The following MACROD2 variants were observed in gnomAD, a reference collection of about 807,000 sequenced individuals.
MACROD2 encodes mono-ADP ribosylhydrolase 2.
Under a neutral mutation model 70.4 loss-of-function variants are expected in MACROD2, and 36 were observed. The observed-to-expected ratio is 0.51, with a 90% confidence interval of 0.39 to 0.68. MACROD2 has a LOEUF of 0.68. MACROD2 is among the 30% of genes least tolerant of loss of function. MACROD2 has a pLI of 0.00. For missense variants in MACROD2, 496 were observed against 538.4 expected (o/e 0.92, Z 0.78); for synonymous variants, 172 against 178.8 (o/e 0.96, Z 0.30).
chr20:14,866,730 A>G (rs186198978), intron 5 of MACROD2, among the ~76,000 whole-genome samples: 3 of 152,212 alleles, frequency 2.0e-5, no homozygotes, highest in African/African-American at 7.2e-5. Context: ...TTGCTTTTCA[A>G]TGATATACAC....
At chr20:15,601,297 G>A (rs2048816656) in intron 8 of MACROD2, among the ~76,000 whole-genome samples, 1 of 152,104 alleles carries the variant, frequency 6.6e-6, no homozygotes, top group Admixed American at 6.6e-5. Flanking sequence ...GATGTTTCTT[G>A]TAAAGCCTGC....
At chr20:15,515,000 G>T (rs2047548080) in intron 8 of MACROD2, among the ~76,000 whole-genome samples, 1 of 152,168 alleles carries the variant, frequency 6.6e-6, no homozygotes, top group African/African-American at 2.4e-5. Context: ...CACCCTCCAT[G>T]CTGCAGCTCA....
chr20:15,215,159 T>C (rs2076798550), intron 5 of MACROD2, among the ~76,000 whole-genome samples: 1 of 152,062 alleles, frequency 6.6e-6, no homozygotes, highest in African/African-American at 2.4e-5. Context: ...CTTAAAACAA[T>C]GCTGTCATCA....
intron 3 of MACROD2, among the ~76,000 whole-genome samples, chr20:14,396,651 C>T (rs575974098): frequency 4.6e-5 from 7 of 152,112 alleles, no homozygotes; most frequent in East Asian, 3.9e-4. Flanking sequence ...CTGGGCTGAG[C>T]GCAGTGGCTC....
chr20:15,140,414 G>T (rs1041772505), intron 5 of MACROD2, among the ~76,000 whole-genome samples: 11 of 152,186 alleles, frequency 7.2e-5, no homozygotes, highest in Middle Eastern at 3.4e-3. Flanking sequence ...TCTCCAAAGG[G>T]TGTATGTAAT....
chr20:15,836,193 T>C (rs2064112723), intron 8 of MACROD2, among the ~76,000 whole-genome samples: 1 of 152,228 alleles, frequency 6.6e-6, no homozygotes, highest in Admixed American at 6.5e-5. Flanking sequence ...CTTTTGATAG[T>C]ACTCTGGAGA....
chr20:15,756,400 T>C (rs1568543262), intron 8 of MACROD2, among the ~76,000 whole-genome samples: 1 of 146,206 alleles, frequency 6.8e-6, no homozygotes, highest in Admixed American at 6.7e-5. Context: ...GTACTTTGCT[T>C]CTTGGTTTGA....
In MACROD2 at chr20:14,675,860, C is replaced by T. The variant is rs150500153; in HGVS notation, c.302-8983C>T. Among the ~76,000 whole-genome samples the T allele has an allele frequency of 5.3e-3, 804 of 151,836 alleles. 16 individuals are homozygous for T. Among genetic ancestry groups the T allele is most frequent in the African/African-American group, 0.018 (762 of 41,406 alleles). On this transcript the variant is annotated intron_variant, in intron 4 of 17. Transcript: ENST00000684519. ...AATAAAGGGATGGAGGAAGATTTAC[C>T]AAACAAATGGAAAGCCAAAAAAAAG...
At chr20:14,088,467 T>A (rs1180123163) in intron 3 of MACROD2, among the ~76,000 whole-genome samples, 1 of 128,958 alleles carries the variant, frequency 7.8e-6, no homozygotes, top group African/African-American at 3.0e-5. Context: ...TTTATATGTA[T>A]GTACATATGT....
chr20:14,584,465 G>A (rs767057778), intron 4 of MACROD2, among the ~76,000 whole-genome samples: 12 of 152,196 alleles, frequency 7.9e-5, no homozygotes, highest in Middle Eastern at 3.4e-3. Flanking sequence ...TCAGTTTCTG[G>A]TGAGGGCCCT....
intron 12 of MACROD2, among the ~76,000 whole-genome samples, chr20:15,966,859 C>T (rs2066147861): frequency 6.6e-6 from 1 of 152,138 alleles, no homozygotes; most frequent in South Asian, 2.1e-4. Context: ...AAAGAGCCTC[C>T]AGGGAGGCCT....
At chr20:15,451,357 T>G (rs2046638246) in intron 7 of MACROD2, among the ~76,000 whole-genome samples, 1 of 145,548 alleles carries the variant, frequency 6.9e-6, no homozygotes, top group African/African-American at 2.5e-5. Flanking sequence ...GCAACTTTCC[T>G]GCCTATGGTG....
Position 14,493,517 on chromosome 20 carries a change from T to A in MACROD2, c.301+9T>A. 6.2e-7 allele frequency: 1 copy of A among 1,604,820 alleles called. No homozygotes were observed. On this transcript the variant is annotated intron_variant, in intron 4 of 17. Coordinates refer to ENST00000684519, the MANE Select transcript of MACROD2 (RefSeq NM_001351661.2). ...TCTTGGAGGAGGAGGTGGTAAGTCCTGAACATCACTTAACTTAAAATACAT... is the reference window on the plus strand; with the variant it reads ...TCTTGGAGGAGGAGGTGGTAAGTCCAGAACATCACTTAACTTAAAATACAT...
At chr20:14,831,344 G>A (rs576801073) in intron 5 of MACROD2, among the ~76,000 whole-genome samples, 40 of 152,162 alleles carry the variant, frequency 2.6e-4, no homozygotes, top group Non-Finnish European at 5.3e-4. Flanking sequence ...TGACTGTTTA[G>A]AGGCATAATC....
At chr20:15,954,044 T>C (rs2065942955) in intron 12 of MACROD2, among the ~76,000 whole-genome samples, 1 of 152,184 alleles carries the variant, frequency 6.6e-6, no homozygotes, top group South Asian at 2.1e-4. Context: ...TAAGTGTTTA[T>C]GTTTGAACCC....
intron 5 of MACROD2, among the ~76,000 whole-genome samples, chr20:15,078,693 C>A (rs1275851903): frequency 6.7e-6 from 1 of 148,778 alleles, no homozygotes; most frequent in Non-Finnish European, 1.5e-5. Context: ...TTTGAACAAT[C>A]TCTTCCTTCA....
intron 8 of MACROD2, among the ~76,000 whole-genome samples, chr20:15,628,430 G>A (rs574656361): frequency 4.6e-5 from 7 of 152,260 alleles, no homozygotes; most frequent in East Asian, 3.9e-4. Flanking sequence ...TTAACTACAC[G>A]CAGCTCTTCT....
chr20:14,233,012 G>A (rs2081832707), intron 3 of MACROD2, among the ~76,000 whole-genome samples: 1 of 152,176 alleles, frequency 6.6e-6, no homozygotes, highest in Non-Finnish European at 1.5e-5. Context: ...GTGTCTCAGG[G>A]AATAGGGAGG....
At chr20:15,105,662 A>G (rs920600278) in intron 5 of MACROD2, among the ~76,000 whole-genome samples, 1 of 152,112 alleles carries the variant, frequency 6.6e-6, no homozygotes, top group South Asian at 2.1e-4. Context: ...AAGATGATAA[A>G]TCATTCAGGG....
Sources: gnomAD v4.1 joint callset for allele counts (sites outside exome capture counted in the v4.1 genomes callset) on GRCh38, gnomAD v4.1.1 for gene constraint, MANE v1.5 for transcripts, NCBI Gene and HGNC (gene_info 2026-07-23, HGNC 2026-07-21) for gene names.